The following GFRA3 variants were observed in gnomAD, a reference collection of about 807,000 sequenced individuals.
The protein encoded by GFRA3 is GDNF family receptor alpha-3.
A neutral mutation model predicts 40.0 loss-of-function variants in GFRA3; 24 were observed. That is an observed-to-expected ratio of 0.60 (90% confidence interval 0.43 to 0.84). The LOEUF (loss-of-function observed/expected upper bound fraction) is 0.84. GFRA3 is among the 40% of genes least tolerant of loss of function. GFRA3 has a pLI of 0.00. For missense variants in GFRA3, 405 were observed against 530.6 expected, an observed-to-expected ratio of 0.76 and a Z score of 2.33; for synonymous variants, 203 against 213.5, an observed-to-expected ratio of 0.95 and a Z score of 0.43.
intron 1 of GFRA3, among the ~76,000 whole-genome samples, chr5:138,268,301 AGAAATCTAAGAACTGAAACTAT>A (rs1755816701): frequency 6.7e-6 from 1 of 149,138 alleles, no homozygotes; most frequent in Non-Finnish European, 1.5e-5. Flanking sequence ...AAAAAAAAAA[AGAAATCTAAGAACTGAAACTAT>A]AAAAATTATA....
intron 4 of GFRA3, among the ~76,000 whole-genome samples, chr5:138,256,476 C>T (rs1332319053): frequency 1.3e-5 from 2 of 149,416 alleles, no homozygotes; most frequent in African/African-American, 2.5e-5. Context: ...TGCAGTGAGC[C>T]GAGACTGCGC....
At position 138,253,895 on chromosome 5, in the gene GFRA3, C is replaced by A. The variant is rs1755587819; in HGVS notation, c.895G>T (p.Ala299Ser). 4 of 1,613,638 alleles carry A rather than the reference C, an allele frequency of 2.5e-6. No individual in the cohort carries two copies. The highest frequency in any genetic ancestry group is 1.7e-6 in the Non-Finnish European group (2 of 1,179,634). Residue 299 changes from alanine (A) to serine (S), a missense_variant, in exon 6 of 8, where the codon GCC (alanine) becomes TCC (serine). By Grantham distance (99) the Ala-to-Ser change is moderately conservative. Coordinates refer to ENST00000274721, the MANE Select transcript of GFRA3 (RefSeq NM_001496.4). Reference sequence around the variant, plus strand: ...TTGCTGACAAAGTTGGGGGTCATGGCAGTCCCTGTGAAGAGGGAAAGGGTA... The same window carrying A: ...TTGCTGACAAAGTTGGGGGTCATGGAAGTCCCTGTGAAGAGGGAAAGGGTA... ...LRAYLGLIGT[A>S]MTPNFVSNVN...
chr5:138,267,853 C>T (rs117299701), intron 1 of GFRA3: 1 of 152,336 alleles, frequency 6.6e-6, no homozygotes, highest in East Asian at 1.9e-4. Context: ...GCCAACTGAT[C>T]TTGGCAACAA....
Position 138,269,409 on chromosome 5 carries a change from A to G in GFRA3, c.92-4861T>C, listed in dbSNP as rs1042565016. Among the ~76,000 whole-genome samples, 9 of 151,632 alleles carry G rather than the reference A, an allele frequency of 5.9e-5. No homozygotes were observed. The East Asian group carries it at 1.7e-3, about 29-fold the overall frequency. On this transcript the variant is annotated intron_variant, in intron 1 of 7. Coordinates refer to ENST00000274721, the MANE Select transcript of GFRA3 (RefSeq NM_001496.4). ...AAATTAGCCAGGTGTGGAGGCGGGC[A>G]CCTGTTATCCCAGCTACTCGAGAGG...
chr5:138,273,504 G>A (rs1425323221), intron 1 of GFRA3, among the ~76,000 whole-genome samples: 1 of 152,206 alleles, frequency 6.6e-6, no homozygotes, highest in East Asian at 1.9e-4. Context: ...TTGGCAGGTG[G>A]ACAGACCAGG....
chr5:138,255,931 G>C (rs112955994), intron 4 of GFRA3, among the ~76,000 whole-genome samples: 1 of 148,494 alleles, frequency 6.7e-6, no homozygotes, highest in Non-Finnish European at 1.5e-5. Context: ...AGAAGAAGAA[G>C]AAAAAAACCA....
intron 1 of GFRA3, 90 bp downstream of exon 1, chr5:138,274,244 C>T (rs925255725): frequency 2.3e-6 from 3 of 1,297,396 alleles, no homozygotes; most frequent in Non-Finnish European, 2.9e-6. Context: ...GAGGCTGCTG[C>T]GCCCTCTCCG....
At chr5:138,256,007 C>A (rs1257448072) in intron 4 of GFRA3, among the ~76,000 whole-genome samples, 1 of 151,268 alleles carries the variant, frequency 6.6e-6, no homozygotes, top group Non-Finnish European at 1.5e-5. Context: ...GTGGGCAGAT[C>A]AACTGAGGCC....
At position 138,253,321 on chromosome 5, in the gene GFRA3, CA is replaced by C; in HGVS notation, c.1078del (p.Trp360GlyfsTer8). 1 of 1,603,862 alleles carries C rather than the reference CA, an allele frequency of 6.2e-7. No individual in the cohort carries two copies. The highest frequency in any genetic ancestry group is 8.5e-7 in the Non-Finnish European group (1 of 1,174,916). Reference protein sequence around the residue: ...RFHSQLFSQDWPHPTFAVMAH... With the variant: ...RFHSQLFSQDXPHPTFAVMAH... Reference sequence around the variant, plus strand: ...CATCACAGCAAAGGTAGGGTGTGGCCAGTCCTGGGAGAAGAGTTGGCTGTGA... The same window carrying C: ...CATCACAGCAAAGGTAGGGTGTGGCCGTCCTGGGAGAAGAGTTGGCTGTGA... On this transcript the variant is annotated frameshift_variant, in exon 7 of 8. Transcript: ENST00000274721. LOFTEE classifies it low-confidence loss of function (END_TRUNC).
At chr5:138,272,241 C>T (rs1254924113) in intron 1 of GFRA3, among the ~76,000 whole-genome samples, 2 of 150,952 alleles carry the variant, frequency 1.3e-5, no homozygotes, top group Non-Finnish European at 2.9e-5. Flanking sequence ...CTCCTGACCT[C>T]GTGATCTACC....
At position 138,252,651 on chromosome 5, in the gene GFRA3, T is replaced by A. The variant is rs10952; in HGVS notation, c.*317A>T. 0.31 allele frequency: 73,849 copies of A among 235,960 alleles called. 12,878 individuals are homozygous for A. Among genetic ancestry groups the A allele is most frequent in the South Asian group, 0.41 (5,143 of 12,568 alleles). 14.6% of individuals were successfully genotyped at this position (235,960 alleles called of 1,614,324 possible). ...CCCTAATCTGGAATGCAATAGAGAATGGCTAACTTATTAGATTCTGGTGAT... is the reference window on the plus strand; with the variant it reads ...CCCTAATCTGGAATGCAATAGAGAAAGGCTAACTTATTAGATTCTGGTGAT... On this transcript the variant is annotated 3_prime_UTR_variant, in exon 8 of 8. Coordinates refer to ENST00000274721, the MANE Select transcript of GFRA3 (RefSeq NM_001496.4).
chr5:138,252,766 G>C lies in GFRA3; in HGVS notation c.*202C>G. On this transcript the variant is annotated 3_prime_UTR_variant, in exon 8 of 8. Coordinates refer to ENST00000274721, the MANE Select transcript of GFRA3 (RefSeq NM_001496.4). The stretch of plus-strand genomic sequence containing the variant: ...GGCTAAATTGTGGCCACCAAGGAGG[G>C]GCAGCATGAATCAGAAGTGGAGATG... The C allele has an allele frequency of 2.1e-6, 1 of 478,660 alleles. No homozygotes were observed. Among genetic ancestry groups the C allele is most frequent in the Non-Finnish European group, 3.8e-6 (1 of 263,234 alleles). The allele number at this position is 478,660 out of a possible 1,614,324, so 29.7% of individuals were successfully genotyped here.
At chr5:138,253,188 G>C in intron 7 of GFRA3, 99 bp downstream of exon 7, 1 of 882,246 alleles carries the variant, frequency 1.1e-6, no homozygotes. Flanking sequence ...AGGGCAATGA[G>C]GAGGTCAGCC....
chr5:138,271,911 T>TGTGTGGG (rs61407779), intron 1 of GFRA3, among the ~76,000 whole-genome samples: 1 of 95,230 alleles, frequency 1.1e-5, no homozygotes. Flanking sequence ...TTTTTTTTTT[T>TGTGTGGG]TTTGTGTGTG....
intron 4 of GFRA3, among the ~76,000 whole-genome samples, chr5:138,254,775 C>T (rs369424282): frequency 6.6e-6 from 1 of 151,966 alleles, no homozygotes; most frequent in East Asian, 1.9e-4. Context: ...AGCACTACCT[C>T]GTGGATTTTT....
chr5:138,257,274 G>A (rs1755645570), intron 4 of GFRA3, among the ~76,000 whole-genome samples: 2 of 152,106 alleles, frequency 1.3e-5, no homozygotes, highest in South Asian at 4.1e-4. Context: ...TGAGACATGT[G>A]CCGTAAGAGA....
intron 1 of GFRA3, among the ~76,000 whole-genome samples, chr5:138,266,672 C>CTTTCTTTCT (rs1554110812): frequency 2.0e-5 from 3 of 150,332 alleles, no homozygotes; most frequent in African/African-American, 7.3e-5. Context: ...CTTTTTCTTT[C>CTTTCTTTCT]TTTCTTTTCT....
At chr5:138,256,554 C>CAAAAAAAAAAAAAA in intron 4 of GFRA3, among the ~76,000 whole-genome samples, 1 of 139,394 alleles carries the variant, frequency 7.2e-6, no homozygotes, top group East Asian at 2.1e-4. Context: ...AAAAAACAAA[C>CAAAAAAAAAAAAAA]AAAAAAAAAA....
At chr5:138,271,911 T>TGTGTGTGTGTGTGTG (rs61407779) in intron 1 of GFRA3, among the ~76,000 whole-genome samples, 23 of 95,236 alleles carry the variant, frequency 2.4e-4, no homozygotes, top group South Asian at 1.4e-3. Context: ...TTTTTTTTTT[T>TGTGTGTGTGTGTGTG]TTTGTGTGTG....
Sources: allele counts gnomAD v4.1 joint callset (sites outside exome capture counted in the v4.1 genomes callset), GRCh38; gene constraint gnomAD v4.1.1; transcripts MANE v1.5; gene names NCBI Gene and HGNC (gene_info 2026-07-23, HGNC 2026-07-21).